CASP10: variants seen among roughly 807,000 people sequenced by gnomAD.
CASP10 encodes the protein caspase-10.
Under a neutral mutation model 48.5 loss-of-function variants are expected in CASP10, and 41 were observed. The observed-to-expected ratio is 0.85, with a 90% CI of 0.66 to 1.10. CASP10 has a LOEUF of 1.10. Ranked by LOEUF, CASP10 falls within the 50% of genes least tolerant of loss-of-function variation. The pLI is 0.00. For synonymous variants in CASP10, 232 were observed against 238.4 expected (o/e 0.97, Z 0.25); for missense variants, 614 against 614.5 (o/e 1.00, Z 0.01).
chr2:201,200,500 T>C, intron 5 of CASP10: 5 of 1,598,342 alleles, frequency 3.1e-6, no homozygotes, highest in African/African-American at 1.3e-5. Context: ...AGATGACCTG[T>C]AGCTCCTGGA....
chr2:201,196,173 G>A (rs2126023549), intron 5 of CASP10, among the ~76,000 whole-genome samples: 1 of 152,322 alleles, frequency 6.6e-6, no homozygotes. Context: ...GTGAGAGCTA[G>A]TTAGTTTGAG....
chr2:201,227,331 A>T (rs112391725), intron 9 of CASP10, among the ~76,000 whole-genome samples: 2 of 152,154 alleles, frequency 1.3e-5, no homozygotes, highest in African/African-American at 4.8e-5. Flanking sequence ...CAATCTAGTA[A>T]CTGTCTGTTT....
intron 9 of CASP10, chr2:201,228,901 G>A (rs773228402): frequency 5.8e-5 from 93 of 1,610,900 alleles, no homozygotes; most frequent in African/African-American, 3.1e-4. Flanking sequence ...CTCAGTCAAA[G>A]TTCCCCTTTT....
intron 5 of CASP10, among the ~76,000 whole-genome samples, chr2:201,200,289 C>G (rs1299453828): frequency 6.6e-6 from 1 of 152,144 alleles, no homozygotes; most frequent in Non-Finnish European, 1.5e-5. Flanking sequence ...GAAAAGTTTC[C>G]CCCTAGATTG....
At position 201,219,768 on chromosome 2, in the gene CASP10, T is replaced by C; in HGVS notation, c.*2027T>C. The C allele has an allele frequency of 1.0e-6, 1 of 984,854 alleles. No homozygotes were observed. The highest frequency in any genetic ancestry group is 1.2e-6 in the Non-Finnish European group (1 of 829,702). The allele number at this position is 984,854 out of a possible 1,614,324, so 61.0% of individuals were successfully genotyped here. A position where few individuals can be genotyped will look rare whatever the true frequency, so the allele number is the denominator to read the frequency against. Reference sequence around the variant, plus strand: ...TTCTCTGTTAATTCCTGGAACTGTATTTTGAATCCTTAAAGGTGAGCCCTC... The same window carrying C: ...TTCTCTGTTAATTCCTGGAACTGTACTTTGAATCCTTAAAGGTGAGCCCTC... On this transcript the variant is annotated 3_prime_UTR_variant, in exon 10 of 10. Transcript: ENST00000286186.
chr2:201,186,794 C>A (rs1430990462), intron 2 of CASP10, among the ~76,000 whole-genome samples: 3 of 152,176 alleles, frequency 2.0e-5, no homozygotes, highest in African/African-American at 7.2e-5. Context: ...TCGAGCGATT[C>A]TCCTGCCTCA....
chr2:201,193,547 T>C (rs1944686667), intron 4 of CASP10: 1 of 217,002 alleles, frequency 4.6e-6, no homozygotes, highest in Admixed American at 5.3e-5. Flanking sequence ...AATATTCTGC[T>C]AGGAAAGCCA....
At chr2:201,199,775 A>G (rs1944947063) in intron 5 of CASP10, among the ~76,000 whole-genome samples, 2 of 151,874 alleles carry the variant, frequency 1.3e-5, no homozygotes, top group South Asian at 4.1e-4. Flanking sequence ...GCATTTCACC[A>G]TGTTGGCCAG....
intron 5 of CASP10, among the ~76,000 whole-genome samples, chr2:201,197,942 C>T (rs1944862747): frequency 6.6e-6 from 1 of 152,080 alleles, no homozygotes; most frequent in South Asian, 2.1e-4. Context: ...TTCTATTTTC[C>T]ACAGTGACTA....
At chr2:201,186,805 G>T (rs532275381) in intron 2 of CASP10, among the ~76,000 whole-genome samples, 1 of 152,140 alleles carries the variant, frequency 6.6e-6, no homozygotes, top group South Asian at 2.1e-4. Context: ...TCCTGCCTCA[G>T]CCTCCTGAGT....
At chr2:201,210,016 A>G (rs781281383) in intron 9 of CASP10, among the ~76,000 whole-genome samples, 13 of 152,392 alleles carry the variant, frequency 8.5e-5, no homozygotes, top group Non-Finnish European at 1.6e-4. Context: ...TTGAAGGATC[A>G]GAGGAGGCTT....
intron 9 of CASP10, 137 bp downstream of exon 9, chr2:201,209,699 C>A: frequency 1.2e-6 from 1 of 840,466 alleles, no homozygotes; most frequent in East Asian, 2.7e-5. Context: ...ATCTGCCTAC[C>A]CTCCTGTTTA....
chr2:201,204,690 T>C (rs1945139608), intron 6 of CASP10, among the ~76,000 whole-genome samples: 1 of 152,214 alleles, frequency 6.6e-6, no homozygotes, highest in African/African-American at 2.4e-5. Context: ...ATTCCAGAGC[T>C]TACTCTCCTA....
chr2:201,185,748 C>A (rs762405050), intron 1 of CASP10, 23 bp from the exon 2 acceptor site: 3 of 1,506,272 alleles, frequency 2.0e-6, no homozygotes, highest in Admixed American at 1.7e-5. Flanking sequence ...TAACTCCCTG[C>A]CCCACCTCTC....
chr2:201,206,040 C>T (rs1460127719), intron 7 of CASP10, 67 bp downstream of exon 7: 9 of 1,008,584 alleles, frequency 8.9e-6, no homozygotes, highest in African/African-American at 1.6e-5. Context: ...ATCAAAAGGA[C>T]GGTTTCTTTA....
chr2:201,206,447 A>G (rs977990963), intron 7 of CASP10, among the ~76,000 whole-genome samples: 1 of 150,878 alleles, frequency 6.6e-6, no homozygotes, highest in East Asian at 1.9e-4. Flanking sequence ...GTGAATATAT[A>G]TATATATTGA....
intron 7 of CASP10, among the ~76,000 whole-genome samples, chr2:201,207,104 G>A (rs985777910): frequency 4.6e-5 from 7 of 152,172 alleles, no homozygotes; most frequent in Non-Finnish European, 8.8e-5. Flanking sequence ...CTGATACTGG[G>A]AGTGGCATCC....
intron 9 of CASP10, 111 bp downstream of exon 9, chr2:201,209,673 A>G (rs1228630953): frequency 5.2e-6 from 6 of 1,147,142 alleles, no homozygotes; most frequent in African/African-American, 3.1e-5. Context: ...TGTTCTATCC[A>G]TGTACCTGTT....
At chr2:201,193,724 A>G (rs1157683862) in intron 4 of CASP10, among the ~76,000 whole-genome samples, 1 of 152,158 alleles carries the variant, frequency 6.6e-6, no homozygotes, top group Admixed American at 6.5e-5. Context: ...TCTTTTTCTG[A>G]TTCTAATATG....
Sources: gnomAD v4.1 joint callset for allele counts (sites outside exome capture counted in the v4.1 genomes callset) on GRCh38, gnomAD v4.1.1 for gene constraint, MANE v1.5 for transcripts, NCBI Gene and HGNC (gene_info 2026-07-23, HGNC 2026-07-21) for gene names.